BTN2A1: variants seen among roughly 807,000 people sequenced by gnomAD.
The protein encoded by BTN2A1 is butyrophilin subfamily 2 member A1, also known as butyrophilin, subfamily 2, member A1.
Under a neutral mutation model 34.5 loss-of-function variants are expected in BTN2A1, and 41 were observed. The observed-to-expected ratio is 1.19, with a 90% CI of 0.93 to 1.54. The LOEUF is 1.54. BTN2A1 is among the 40% of genes most tolerant of loss of function. The pLI, the probability that BTN2A1 is intolerant of heterozygous loss-of-function variation, is 0.00. For synonymous variants in BTN2A1, 267 were observed against 258.6 expected, an observed-to-expected ratio of 1.03 and a Z score of -0.31; for missense variants, 642 against 662.0, an observed-to-expected ratio of 0.97 and a Z score of 0.33.
chr6:26,468,072 C>G lies in BTN2A1; in HGVS notation c.1107C>G (p.Phe369Leu), dbSNP rs770777486. ...GCGTGCCTGACAACCCAGAGAGATT[C>G]GACAGTCAGCCTTGTGTCCTAGGCC... ...GESVPDNPER[F>L]DSQPCVLGRE... is the part of the protein sequence containing the mutation. The change falls in exon 8 of 8, where the codon TTC becomes TTG. Residue 369 changes from phenylalanine (F) to leucine (L), a missense_variant. Coordinates refer to ENST00000312541, the MANE Select transcript of BTN2A1 (RefSeq NM_007049.5). The G allele has an allele frequency of 6.2e-7, 1 of 1,614,162 alleles. No individual in the cohort carries two copies. The highest frequency in any genetic ancestry group is 8.5e-7 in the Non-Finnish European group (1 of 1,180,044).
intron 7 of BTN2A1, chr6:26,476,119 T>A: frequency 1.3e-6 from 2 of 1,535,972 alleles, no homozygotes; most frequent in Non-Finnish European, 1.7e-6. Context: ...TTTTGAGTTG[T>A]AGGGCCAGTT....
chr6:26,459,554 T>C lies in BTN2A1; in HGVS notation c.156T>C (p.His52=), dbSNP rs768550853. ...TVGENTTLRC[H]LSPEKNAEDM... The stretch of plus-strand genomic sequence containing the variant: ...GAGAAAACACTACGTTACGCTGCCA[T>C]CTGTCACCCGAGAAAAATGCTGAGG... Residue 52 remains histidine (H), a synonymous_variant, in exon 3 of 8, where the codon CAT becomes CAC. Transcript: ENST00000312541. 1.9e-6 allele frequency: 3 copies of C among 1,614,028 alleles called. No individual in the cohort carries two copies. Among genetic ancestry groups the C allele is most frequent in the Middle Eastern group, 1.7e-4 (1 of 6,058 alleles).
downstream of BTN2A1, among the ~76,000 whole-genome samples, chr6:26,470,781 C>T (rs1412116307): frequency 6.6e-6 from 1 of 152,180 alleles, no homozygotes; most frequent in East Asian, 1.9e-4. Context: ...CTGAGGTTCT[C>T]AGGCCTTGGG....
chr6:26,468,402 C>G lies in BTN2A1; in HGVS notation c.1437C>G (p.Ala479=). 1 of 1,614,204 alleles carries G rather than the reference C, an allele frequency of 6.2e-7. No individual in the cohort carries two copies. The highest frequency in any genetic ancestry group is 8.5e-7 in the Non-Finnish European group (1 of 1,180,042). ...RSHIYTCPRS[A]FSVPVRPFFR... is the part of the protein sequence containing the mutation. Reference sequence around the variant, plus strand: ...ACATCTACACATGTCCCCGTTCAGCCTTTTCCGTGCCTGTGAGGCCCTTCT... The same window carrying G: ...ACATCTACACATGTCCCCGTTCAGCGTTTTCCGTGCCTGTGAGGCCCTTCT... The change falls in exon 8 of 8, where the codon GCC becomes GCG. Residue 479 remains alanine (A), a synonymous_variant. Coordinates refer to ENST00000312541, the MANE Select transcript of BTN2A1 (RefSeq NM_007049.5).
rs370212854 is a variant in BTN2A1, at chr6:26,459,831, G to A, written c.430+3G>A. 2.8e-5 allele frequency: 45 copies of A among 1,608,564 alleles called. No homozygotes were observed. Among genetic ancestry groups the A allele is most frequent in the Non-Finnish European group, 3.7e-5 (43 of 1,176,306 alleles). ...CATCCTGCACCTCGTAGTGGCAGGT[G>A]CGTCGCTTCATTTTGCTTTGTTACT... On this transcript the variant is annotated splice_donor_region_variant and intron_variant, in intron 3 of 7. Transcript: ENST00000312541.
Position 26,468,679 on chromosome 6 carries a change from CTT to C in BTN2A1, c.*132_*133del. Reference sequence around the variant, plus strand: ...ACAAGAGAACATCTTCCAGCTGCCTCTTTCACACCCACTACAGACCTCAGCCC... The same window carrying C: ...ACAAGAGAACATCTTCCAGCTGCCTCTCACACCCACTACAGACCTCAGCCC... On this transcript the variant is annotated 3_prime_UTR_variant, in exon 8 of 8. Transcript: ENST00000312541. The C allele has an allele frequency of 6.2e-7, 1 of 1,613,432 alleles. No homozygotes were observed. The highest frequency in any genetic ancestry group is 1.1e-5 in the South Asian group (1 of 90,404).
chr6:26,469,148 C>T lies in BTN2A1; in HGVS notation c.*599C>T. ...GATTTCCAGAGCGCACATCCACAGGCCTGGACCTGGGATGAAGATGAATGA... is the reference window on the plus strand; with the variant it reads ...GATTTCCAGAGCGCACATCCACAGGTCTGGACCTGGGATGAAGATGAATGA... On this transcript the variant is annotated 3_prime_UTR_variant, in exon 8 of 8. Transcript: ENST00000312541. 1 of 1,074,998 alleles carries T rather than the reference C, an allele frequency of 9.3e-7. No homozygotes were observed. Among genetic ancestry groups the T allele is most frequent in the Non-Finnish European group, 1.1e-6 (1 of 883,354 alleles). The allele number at this position is 1,074,998 out of a possible 1,614,324, so 66.6% of individuals were successfully genotyped here. A position where few individuals can be genotyped will look rare whatever the true frequency, so the allele number is the denominator to read the frequency against.
At chr6:26,463,958 A>G (rs926061771) in intron 4 of BTN2A1, among the ~76,000 whole-genome samples, 7 of 151,640 alleles carry the variant, frequency 4.6e-5, no homozygotes, top group Non-Finnish European at 8.8e-5. Context: ...ACGCCACCAC[A>G]CCCGGCTAAT....
chr6:26,458,343 T>C (rs1763063937), intron 1 of BTN2A1, among the ~76,000 whole-genome samples: 2 of 152,008 alleles, frequency 1.3e-5, no homozygotes, highest in African/African-American at 4.8e-5. Flanking sequence ...TGTGGTAGAA[T>C]CCAGCGACAA....
In BTN2A1 at chr6:26,465,364, G is replaced by T. The variant is rs147849789; in HGVS notation, c.892G>T (p.Glu298Ter). 1 of 1,614,074 alleles carries T rather than the reference G, an allele frequency of 6.2e-7. No individual in the cohort carries two copies. Among genetic ancestry groups the T allele is most frequent in the Non-Finnish European group, 8.5e-7 (1 of 1,179,990 alleles). The stretch of plus-strand genomic sequence containing the variant: ...AAGAGAAATTGCTCTAAAGGAACTG[G>T]AGAAAGAACGTGTGCAAAAAGAGGA... ...ETREIALKEL[E>*]KERVQKEEEL... The change falls in exon 5 of 8, where the codon GAG (glutamate) becomes TAG (stop). Residue 298 changes from glutamate (E) to a stop codon, truncating the protein, a stop_gained. Transcript: ENST00000312541. LOFTEE classifies it high-confidence loss of function.
At chr6:26,466,036 C>T (rs750577160) in intron 6 of BTN2A1, 26 bp from the exon 7 acceptor site, 1 of 1,614,252 alleles carries the variant, frequency 6.2e-7, no homozygotes, top group South Asian at 1.1e-5. Context: ...CATCTCATGA[C>T]ATTCGTCTCT....
chr6:26,465,682 C>A, intron 5 of BTN2A1: 2 of 453,440 alleles, frequency 4.4e-6, no homozygotes, highest in Non-Finnish European at 5.8e-6. Context: ...ATGAATCTCT[C>A]AGAGCTTTCA....
rs1337317834 is a variant in BTN2A1 at position 26,465,415 on chromosome 6, G to C, written c.934+9G>C. On this transcript the variant is annotated intron_variant, in intron 5 of 7. Transcript: ENST00000312541. ...AGAACTTCAAGTAAAAGGTAAAAGA[G>C]GCTGAGTATGGTGGCTCATGGCTTG... The C allele has an allele frequency of 6.2e-7, 1 of 1,612,742 alleles. No individual in the cohort carries two copies. The highest frequency in any genetic ancestry group is 1.3e-5 in the African/African-American group (1 of 74,768).
chr6:26,458,983 A>T (rs191788142), intron 2 of BTN2A1, among the ~76,000 whole-genome samples: 186 of 152,334 alleles, frequency 1.2e-3, no homozygotes, highest in Non-Finnish European at 5.1e-4. Flanking sequence ...AAATTTGTAT[A>T]CTATATTTTG....
intron 4 of BTN2A1, 26 bp downstream of exon 4, chr6:26,463,551 G>C: frequency 6.2e-7 from 1 of 1,601,154 alleles, no homozygotes; most frequent in Non-Finnish European, 8.5e-7. Context: ...TCTGAGACTC[G>C]TCGAGTGCAT....
Position 26,468,943 on chromosome 6 carries a change from G to A in BTN2A1, c.*394G>A. Reference sequence around the variant, plus strand: ...TGAGGCCTACAGGGTTCACCAGGATGTAAGAGGAGAGAGGAATCCACAGGA... The same window carrying A: ...TGAGGCCTACAGGGTTCACCAGGATATAAGAGGAGAGAGGAATCCACAGGA... On this transcript the variant is annotated 3_prime_UTR_variant, in exon 8 of 8. Coordinates refer to ENST00000312541, the MANE Select transcript of BTN2A1 (RefSeq NM_007049.5). The A allele has an allele frequency of 8.1e-7, 1 of 1,227,078 alleles. No homozygotes were observed. Among genetic ancestry groups the A allele is most frequent in the South Asian group, 1.5e-5 (1 of 66,686 alleles). The allele number at this position is 1,227,078 out of a possible 1,614,324, so 76.0% of individuals were successfully genotyped here. A position where few individuals can be genotyped will look rare whatever the true frequency, so the allele number is the denominator to read the frequency against.
intron 7 of BTN2A1, among the ~76,000 whole-genome samples, chr6:26,475,330 C>G (rs1381853710): frequency 2.0e-5 from 3 of 152,110 alleles, no homozygotes; most frequent in Non-Finnish European, 4.4e-5. Context: ...GATCTTTATT[C>G]CTCTAGTTCA....
intron 3 of BTN2A1, among the ~76,000 whole-genome samples, chr6:26,460,925 A>G (rs1763148211): frequency 6.6e-6 from 1 of 152,134 alleles, no homozygotes; most frequent in Non-Finnish European, 1.5e-5. Context: ...TTAAACAACA[A>G]CAAAAAAGAT....
Position 26,468,662 on chromosome 6 carries a change from A to C in BTN2A1, c.*113A>C. 1 of 1,613,686 alleles carries C rather than the reference A, an allele frequency of 6.2e-7. No individual in the cohort carries two copies. The highest frequency in any genetic ancestry group is 8.5e-7 in the Non-Finnish European group (1 of 1,179,996). ...TCCTCCCCTCTGGTCACACAAGAGAACATCTTCCAGCTGCCTCTTTCACAC... is the reference window on the plus strand; with the variant it reads ...TCCTCCCCTCTGGTCACACAAGAGACCATCTTCCAGCTGCCTCTTTCACAC... On this transcript the variant is annotated 3_prime_UTR_variant, in exon 8 of 8. Transcript: ENST00000312541.
Sources: gnomAD v4.1 joint callset for allele counts (sites outside exome capture counted in the v4.1 genomes callset) on GRCh38, gnomAD v4.1.1 for gene constraint, MANE v1.5 for transcripts, NCBI Gene and HGNC (gene_info 2026-07-23, HGNC 2026-07-21) for gene names.